Variants in AGXT2 observed in about 807,000 individuals in gnomAD.
AGXT2 encodes alanine--glyoxylate aminotransferase 2, also known as alanine--glyoxylate aminotransferase 2, mitochondrial.
In AGXT2, 61 loss-of-function variants were observed where a neutral mutation model predicts 62.5. That is an observed-to-expected ratio of 0.98 (90% CI 0.79 to 1.21). The LOEUF is 1.21. Among genes scored for constraint, AGXT2 ranks in the 50% most tolerant of loss-of-function variants. The pLI is 0.00. For missense variants in AGXT2, 666 were observed against 641.5 expected (o/e 1.04, Z -0.41); for synonymous variants, 243 against 218.7 (o/e 1.11, Z -0.98).
chr5:35,003,457 A>T (rs550490222), intron 13 of AGXT2, among the ~76,000 whole-genome samples: 1 of 152,192 alleles, frequency 6.6e-6, no homozygotes, highest in Non-Finnish European at 1.5e-5. Flanking sequence ...TATCATCCAT[A>T]CTGTTAGTTG....
chr5:35,014,290 A>G (rs1766762539), intron 9 of AGXT2, among the ~76,000 whole-genome samples, 171 bp from the exon 10 acceptor site: 2 of 151,866 alleles, frequency 1.3e-5, no homozygotes, highest in South Asian at 4.2e-4. Context: ...TGTCTCTTCT[A>G]AAAATACAAA....
intron 3 of AGXT2, among the ~76,000 whole-genome samples, chr5:35,038,102 C>T (rs573471651): frequency 3.3e-5 from 5 of 152,240 alleles, no homozygotes; most frequent in African/African-American, 1.2e-4. Flanking sequence ...GACTAGTGTA[C>T]GCTGTTTCTC....
intron 9 of AGXT2, among the ~76,000 whole-genome samples, chr5:35,024,316 A>G (rs1767239455): frequency 6.6e-6 from 1 of 152,196 alleles, no homozygotes; most frequent in Admixed American, 6.5e-5. Flanking sequence ...CTGTTAGTCC[A>G]ATCATGATAG....
At chr5:35,000,827 C>T (rs970270898) in intron 13 of AGXT2, among the ~76,000 whole-genome samples, 1 of 152,168 alleles carries the variant, frequency 6.6e-6, no homozygotes, top group African/African-American at 2.4e-5. Flanking sequence ...CAGTCATTTC[C>T]TCCGAGCTAC....
chr5:35,015,431 C>A (rs956575399), intron 9 of AGXT2, among the ~76,000 whole-genome samples: 1 of 152,202 alleles, frequency 6.6e-6, no homozygotes, highest in Non-Finnish European at 1.5e-5. Flanking sequence ...TCCTCGATTT[C>A]TTTCTGGCTC....
At chr5:35,011,734 T>C (rs1306618781) in intron 11 of AGXT2, among the ~76,000 whole-genome samples, 1 of 151,966 alleles carries the variant, frequency 6.6e-6, no homozygotes, top group Non-Finnish European at 1.5e-5. Flanking sequence ...GAACTAAAAG[T>C]AGTTCTATCC....
At chr5:35,020,860 G>A (rs1469145033) in intron 9 of AGXT2, among the ~76,000 whole-genome samples, 1 of 151,954 alleles carries the variant, frequency 6.6e-6, no homozygotes, top group African/African-American at 2.4e-5. Context: ...AAGCTGATAA[G>A]CAACTTCAGC....
chr5:35,037,034 C>A lies in AGXT2; in HGVS notation c.394G>T (p.Gly132Cys), dbSNP rs16870794. The change falls in exon 4 of 14, where the codon GGC (glycine) becomes TGC (cysteine). Residue 132 changes from glycine to cysteine, a missense_variant. Coordinates refer to ENST00000231420, the MANE Select transcript of AGXT2 (RefSeq NM_031900.4). ...KVNAVAQKQL[G>C]RLWHTSTVFF... Reference sequence around the variant, plus strand: ...ACGGTGCTTGTATGCCACAGGCGGCCGAGCTGCTTTTGTGCCACTGCATTC... The same window carrying A: ...ACGGTGCTTGTATGCCACAGGCGGCAGAGCTGCTTTTGTGCCACTGCATTC... The A allele has an allele frequency of 1.2e-6, 2 of 1,613,998 alleles. No homozygotes were observed. Among genetic ancestry groups the A allele is most frequent in the African/African-American group, 1.3e-5 (1 of 74,920 alleles).
At chr5:35,020,101 A>G (rs917860692) in intron 9 of AGXT2, among the ~76,000 whole-genome samples, 4 of 152,220 alleles carry the variant, frequency 2.6e-5, no homozygotes, top group African/African-American at 9.6e-5. Context: ...AACCAAAAAG[A>G]GTCCAGGACC....
At chr5:35,042,427 T>C (rs1768020939) in intron 1 of AGXT2, among the ~76,000 whole-genome samples, 1 of 152,034 alleles carries the variant, frequency 6.6e-6, no homozygotes, top group Non-Finnish European at 1.5e-5. Context: ...GAAAGAATAA[T>C]AGGAGTCAGT....
intron 9 of AGXT2, among the ~76,000 whole-genome samples, chr5:35,017,030 C>A (rs1766869105): frequency 6.6e-6 from 1 of 152,120 alleles, no homozygotes. Context: ...TAACTTTAAT[C>A]CAGATTCCAC....
At chr5:35,033,391 A>G in intron 6 of AGXT2, 69 bp downstream of exon 6, 1 of 1,241,518 alleles carries the variant, frequency 8.1e-7, no homozygotes, top group South Asian at 1.2e-5. Context: ...TTATACCAGG[A>G]AAACCTGATC....
chr5:35,040,459 A>G (rs1281240968), intron 2 of AGXT2, 116 bp downstream of exon 2: 1 of 918,656 alleles, frequency 1.1e-6, no homozygotes, highest in South Asian at 1.3e-5. Flanking sequence ...AATATCTGGA[A>G]TGAGGTAGTT....
At chr5:35,011,050 A>G (rs55687280) in intron 11 of AGXT2, among the ~76,000 whole-genome samples, 4,732 of 152,322 alleles carry the variant, frequency 0.031, 96 homozygotes, top group South Asian at 0.057. Flanking sequence ...GAAATATACT[A>G]TATTTTTATT....
At chr5:35,014,325 T>C (rs915099682) in intron 9 of AGXT2, among the ~76,000 whole-genome samples, 1 of 151,088 alleles carries the variant, frequency 6.6e-6, no homozygotes, top group Non-Finnish European at 1.5e-5. Context: ...CAGTGGCAGG[T>C]GCCTGTAATC....
At position 35,013,797 on chromosome 5, in the gene AGXT2, AAAAG is replaced by A. The variant is rs369602458; in HGVS notation, c.1096+186_1096+189del. Among the ~76,000 whole-genome samples, 244 of 146,362 alleles carry A rather than the reference AAAAG, an allele frequency of 1.7e-3. 3 individuals are homozygous for A. Among genetic ancestry groups the A allele is most frequent in the African/African-American group, 5.8e-3 (223 of 38,642 alleles). The stretch of plus-strand genomic sequence containing the variant: ...GACTCTGTCTCAAAAAAAAAAAAAA[AAAAG>A]GGCTGGCTTTCTTCCAACTGTTTCA... On this transcript the variant is annotated intron_variant, in intron 10 of 13. Transcript: ENST00000231420.
At chr5:35,003,415 A>G (rs935899598) in intron 13 of AGXT2, among the ~76,000 whole-genome samples, 8 of 152,084 alleles carry the variant, frequency 5.3e-5, no homozygotes, top group Non-Finnish European at 1.2e-4. Context: ...ATTATACAGG[A>G]GATAGATTAT....
intron 9 of AGXT2, among the ~76,000 whole-genome samples, chr5:35,016,208 T>A (rs1377246476): frequency 6.6e-6 from 1 of 152,170 alleles, no homozygotes; most frequent in Admixed American, 6.6e-5. Flanking sequence ...TGGTGAAAAA[T>A]CAGATTGCTT....
At chr5:35,007,693 G>A (rs991495910) in intron 12 of AGXT2, among the ~76,000 whole-genome samples, 7 of 152,126 alleles carry the variant, frequency 4.6e-5, no homozygotes, top group East Asian at 1.9e-4. Context: ...ATGGTTCAGC[G>A]AAGAGAAAAA....
Sources: gnomAD v4.1 joint callset for allele counts (sites outside exome capture counted in the v4.1 genomes callset) on GRCh38, gnomAD v4.1.1 for gene constraint, MANE v1.5 for transcripts, NCBI Gene and HGNC (gene_info 2026-07-23, HGNC 2026-07-21) for gene names.